Variants in MYH9 observed in about 807,000 individuals in gnomAD.
The protein encoded by MYH9 is myosin heavy chain 9.
In MYH9, 29 loss-of-function variants were observed where a neutral mutation model predicts 241.9. The observed-to-expected ratio is 0.12, with a 90% CI of 0.09 to 0.16. MYH9 has a LOEUF of 0.16. Ranked by LOEUF, MYH9 falls within the 10% of genes least tolerant of loss-of-function variation. The probability of loss-of-function intolerance (pLI) is 1.00; values close to 1 mark genes in which losing one functional copy is unlikely to be tolerated. For synonymous variants in MYH9, 1,047 were observed against 1,062.6 expected (o/e 0.99, Z 0.29); for missense variants, 1,803 against 2,595.5 (o/e 0.69, Z 6.63).
At chr22:36,345,914 C>T (rs996877304) in intron 2 of MYH9, among the ~76,000 whole-genome samples, 32 of 152,094 alleles carry the variant, frequency 2.1e-4, no homozygotes, top group African/African-American at 7.7e-4. Context: ...TTTGGGAGGA[C>T]GAGGTGGGCG....
chr22:36,316,757 G>A, intron 11 of MYH9, 88 bp from the exon 12 acceptor site: 2 of 1,526,372 alleles, frequency 1.3e-6, no homozygotes, highest in Non-Finnish European at 1.8e-6. Context: ...CACTTTTAGA[G>A]TCCTCCCCCT....
chr22:36,339,816 T>A (rs2017555026), intron 3 of MYH9, among the ~76,000 whole-genome samples: 1 of 152,088 alleles, frequency 6.6e-6, no homozygotes, highest in African/African-American at 2.4e-5. Flanking sequence ...GGATTACATA[T>A]GCCAGGTACT....
At chr22:36,319,460 T>G in intron 10 of MYH9, 80 bp downstream of exon 10, 1 of 1,346,930 alleles carries the variant, frequency 7.4e-7, no homozygotes, top group Non-Finnish European at 1.1e-6. Context: ...GTCCGGAATT[T>G]CCGCAAGACC....
intron 3 of MYH9, among the ~76,000 whole-genome samples, chr22:36,338,785 A>G (rs1435927451): frequency 6.7e-6 from 1 of 150,116 alleles, no homozygotes; most frequent in Non-Finnish European, 1.5e-5. Flanking sequence ...GTGCCACTGC[A>G]CTCCAGCCTG....
Position 36,293,709 on chromosome 22 carries a change from G to A in MYH9, c.3942+50C>T. On this transcript the variant is annotated intron_variant, in intron 29 of 40. Coordinates refer to ENST00000216181, the MANE Select transcript of MYH9 (RefSeq NM_002473.6). The surrounding 1 kb of genome is among the most constrained non-coding windows in gnomAD (Gnocchi z 5.1). ...CTGAAGCTAATGTTGCGTGGACACA[G>A]AGGCCTTTCTGGAGGGGTCCACCTT... is the stretch of plus-strand genomic sequence containing the variant. The A allele has an allele frequency of 6.6e-7, 1 of 1,518,654 alleles. No homozygotes were observed. The highest frequency in any genetic ancestry group is 9.1e-7 in the Non-Finnish European group (1 of 1,098,462). 94.1% of individuals were successfully genotyped at this position (1,518,654 alleles called of 1,614,324 possible). A position where few individuals can be genotyped will look rare whatever the true frequency, so the allele number is the denominator to read the frequency against.
At chr22:36,334,043 T>C (rs2017461245) in intron 3 of MYH9, among the ~76,000 whole-genome samples, 1 of 151,190 alleles carries the variant, frequency 6.6e-6, no homozygotes, top group Non-Finnish European at 1.5e-5. Flanking sequence ...TATCTCCCGC[T>C]CAGTGGGCCC....
intron 1 of MYH9, among the ~76,000 whole-genome samples, chr22:36,380,749 G>C (rs1250370033): frequency 9.5e-6 from 1 of 105,346 alleles, no homozygotes; most frequent in African/African-American, 4.5e-5. Context: ...TCCAAAAAAA[G>C]AAAAGAAAAG....
At chr22:36,311,855 G>A (rs1184130734) in intron 14 of MYH9, among the ~76,000 whole-genome samples, 194 bp downstream of exon 14, 1 of 152,194 alleles carries the variant, frequency 6.6e-6, no homozygotes, top group South Asian at 2.1e-4. Flanking sequence ...CATGGAGCAG[G>A]TGAAGGGGCT....
chr22:36,343,189 A>G (rs1022620366), intron 2 of MYH9, among the ~76,000 whole-genome samples: 2 of 152,070 alleles, frequency 1.3e-5, no homozygotes, highest in Admixed American at 6.6e-5. Flanking sequence ...CCAAGCAGCA[A>G]TTGACTAAAG....
rs1463381787 is a variant in MYH9, at chr22:36,384,612, ATATATATATATATATATAT to A, written c.-20+3176_-20+3194del. Among the ~76,000 whole-genome samples, 53 of 9,282 alleles carry A rather than the reference ATATATATATATATATATAT, an allele frequency of 5.7e-3. 1 individual carries two copies. Among genetic ancestry groups the A allele is most frequent in the African/African-American group, 0.016 (49 of 3,028 alleles). 6.1% of individuals were successfully genotyped at this position (9,282 alleles called of 152,430 possible). A position where few individuals can be genotyped will look rare whatever the true frequency, so the allele number is the denominator to read the frequency against. On this transcript the variant is annotated intron_variant, in intron 1 of 40. Coordinates refer to ENST00000216181, the MANE Select transcript of MYH9 (RefSeq NM_002473.6). ...AAAAAAAAAAAAAAAAAAAAAAAAAATATATATATATATATATATATATATATATATATATATATACAGC... is the reference window on the plus strand; with the variant it reads ...AAAAAAAAAAAAAAAAAAAAAAAAAAATATATATATATATATATATACAGC...
At chr22:36,357,334 C>T (rs1396474605) in intron 1 of MYH9, among the ~76,000 whole-genome samples, 1 of 152,124 alleles carries the variant, frequency 6.6e-6, no homozygotes, top group Non-Finnish European at 1.5e-5. Flanking sequence ...AAAGCAAGAG[C>T]CAACGTACAG....
intron 35 of MYH9, 136 bp downstream of exon 35, chr22:36,286,582 T>C (rs2016585083): frequency 3.2e-6 from 4 of 1,246,144 alleles, no homozygotes; most frequent in Non-Finnish European, 4.6e-6. Flanking sequence ...AGGGAATCCT[T>C]ATGTAACCTG....
chr22:36,326,439 G>C, intron 5 of MYH9, 129 bp downstream of exon 5: 6 of 916,350 alleles, frequency 6.5e-6, no homozygotes, highest in Non-Finnish European at 7.2e-6. Context: ...ATGGAAATGG[G>C]CCCAGCCTCT....
Position 36,293,441 on chromosome 22 carries a change from C to T in MYH9, c.3983G>A (p.Ser1328Asn). ...QEENRQKLSL[S>N]TKLKQVEDEK... ...GTCCTCCACCTGCTTGAGCTTGGTG[C>T]TCAGGCTCAGCTTCTGCCGGTTCTC... is the stretch of plus-strand genomic sequence containing the variant. Residue 1328 changes from serine (S) to asparagine (N), a missense_variant, in exon 30 of 41, where the codon AGC becomes AAC. This residue lies in a region of MYH9 where 876 missense variants were observed against 1,077.8 expected (regional missense o/e 0.81). Transcript: ENST00000216181. The surrounding 1 kb of genome is among the most constrained non-coding windows in gnomAD (Gnocchi z 5.1). 6.2e-7 allele frequency: 1 copy of T among 1,613,820 alleles called. No individual in the cohort carries two copies. The highest frequency in any genetic ancestry group is 8.5e-7 in the Non-Finnish European group (1 of 1,180,038).
At chr22:36,364,125 G>C (rs374771011) in intron 1 of MYH9, among the ~76,000 whole-genome samples, 87 of 152,296 alleles carry the variant, frequency 5.7e-4, no homozygotes, top group African/African-American at 2.0e-3. Flanking sequence ...CCAGAGACCA[G>C]AAACAGAAGA....
At chr22:36,372,212 G>A (rs931415879) in intron 1 of MYH9, among the ~76,000 whole-genome samples, 1 of 151,978 alleles carries the variant, frequency 6.6e-6, no homozygotes, top group Non-Finnish European at 1.5e-5. Flanking sequence ...TTCAGACCAC[G>A]TGCAGTGGCT....
At chr22:36,354,974 C>CACACACACACAT (rs1352047947) in intron 1 of MYH9, among the ~76,000 whole-genome samples, 19 of 150,724 alleles carry the variant, frequency 1.3e-4, no homozygotes, top group African/African-American at 4.1e-4. Context: ...CACACACACA[C>CACACACACACAT]ACACACACAC....
intron 1 of MYH9, among the ~76,000 whole-genome samples, chr22:36,369,583 T>C (rs1051476735): frequency 2.0e-5 from 3 of 152,166 alleles, no homozygotes; most frequent in Non-Finnish European, 4.4e-5. Context: ...AGCCTTCACC[T>C]GCTGTCTACC....
intron 1 of MYH9, among the ~76,000 whole-genome samples, chr22:36,382,975 C>T (rs2018283202): frequency 6.6e-6 from 1 of 152,048 alleles, no homozygotes; most frequent in African/African-American, 2.4e-5. Flanking sequence ...AACCCCAGCA[C>T]TCTGAGAGGC....
Sources: gnomAD v4.1 joint callset for allele counts (sites outside exome capture counted in the v4.1 genomes callset) on GRCh38, gnomAD v4.1.1 for gene constraint, gnomAD v4.1.1 regional missense constraint, Gnocchi (gnomAD v3.1) non-coding constraint, MANE v1.5 for transcripts, NCBI Gene and HGNC (gene_info 2026-07-23, HGNC 2026-07-21) for gene names.